GALNT13: variants seen among roughly 807,000 people sequenced by gnomAD.
The protein encoded by GALNT13 is UDP-GalNAc:polypeptide N-acetylgalactosaminyltransferase 13.
In GALNT13, 28 loss-of-function variants were observed where a neutral mutation model predicts 64.2. The ratio of observed to expected loss-of-function variants is 0.44; its 90% CI spans 0.32 to 0.60. GALNT13 has a LOEUF of 0.60. GALNT13 is among the 20% of genes least tolerant of loss of function. The pLI, the probability that GALNT13 is intolerant of heterozygous loss-of-function variation, is 0.05. For missense variants in GALNT13, 577 were observed against 669.8 expected, an observed-to-expected ratio of 0.86 and a Z score of 1.53; for synonymous variants, 214 against 224.6, an observed-to-expected ratio of 0.95 and a Z score of 0.42.
At chr2:154,389,677 G>C (rs1230562815) in intron 9 of GALNT13, among the ~76,000 whole-genome samples, 2 of 152,150 alleles carry the variant, frequency 1.3e-5, no homozygotes, top group Non-Finnish European at 2.9e-5. Context: ...TTGCCTCACA[G>C]AAGTCCAATC....
chr2:154,018,442 G>A (rs1000542360), intron 3 of GALNT13, among the ~76,000 whole-genome samples: 4 of 152,030 alleles, frequency 2.6e-5, no homozygotes, highest in East Asian at 3.9e-4. Flanking sequence ...CAGTCTCTGC[G>A]GTCACTTGAA....
chr2:154,363,104 G>A (rs1697168207), intron 9 of GALNT13, among the ~76,000 whole-genome samples: 1 of 152,004 alleles, frequency 6.6e-6, no homozygotes. Flanking sequence ...TGATCTCTGG[G>A]ATTTGTTATT....
the GALNT13 span, among the ~76,000 whole-genome samples, chr2:153,760,381 G>T: frequency 6.6e-6 from 1 of 151,254 alleles, no homozygotes; most frequent in Non-Finnish European, 1.5e-5. Flanking sequence ...ATTCATTTGA[G>T]ATTTTTAAAT....
the GALNT13 span, among the ~76,000 whole-genome samples, chr2:153,418,845 C>T: frequency 5.9e-5 from 9 of 152,094 alleles, no homozygotes; most frequent in East Asian, 1.7e-3. Context: ...GCGATAGAGC[C>T]AGACCTTGTC....
intron 10 of GALNT13, among the ~76,000 whole-genome samples, chr2:154,404,974 A>G (rs770830963): frequency 2.0e-5 from 3 of 152,060 alleles, no homozygotes; most frequent in Non-Finnish European, 4.4e-5. Flanking sequence ...GGAAGGAAGA[A>G]CAAAAGGAAG....
chr2:153,930,790 G>T (rs2105355469), intron 2 of GALNT13, among the ~76,000 whole-genome samples: 1 of 152,162 alleles, frequency 6.6e-6, no homozygotes, highest in African/African-American at 2.4e-5. Context: ...GCTTAGTATT[G>T]CTTTGGCTAT....
the GALNT13 span, among the ~76,000 whole-genome samples, chr2:153,429,055 A>ATCTCTT: frequency 1.3e-5 from 2 of 152,050 alleles, no homozygotes; most frequent in African/African-American, 4.8e-5. Flanking sequence ...CATATATATT[A>ATCTCTT]TCTCTTTCTC....
the GALNT13 span, among the ~76,000 whole-genome samples, chr2:153,139,662 T>G: frequency 4.1e-3 from 626 of 151,748 alleles, 6 homozygotes; most frequent in African/African-American, 0.014. Context: ...AAAGACAAAG[T>G]AGGAAATGGC....
the GALNT13 span, among the ~76,000 whole-genome samples, chr2:153,441,654 G>C: frequency 2.0e-5 from 3 of 152,136 alleles, no homozygotes; most frequent in African/African-American, 7.2e-5. Context: ...TCCTTGAAGA[G>C]GTCCTTCACA....
At chr2:153,606,210 T>A in the GALNT13 span, among the ~76,000 whole-genome samples, 1 of 152,126 alleles carries the variant, frequency 6.6e-6, no homozygotes, top group East Asian at 1.9e-4. Context: ...TGTATGTATG[T>A]ATATATATTT....
the GALNT13 span, among the ~76,000 whole-genome samples, chr2:153,376,169 C>A: frequency 1.3e-5 from 2 of 152,062 alleles, no homozygotes; most frequent in Non-Finnish European, 2.9e-5. Flanking sequence ...AATATTCAAA[C>A]TATAACAAAT....
At chr2:154,247,141 A>G (rs1163152426) in intron 7 of GALNT13, among the ~76,000 whole-genome samples, 1 of 152,076 alleles carries the variant, frequency 6.6e-6, no homozygotes, top group Non-Finnish European at 1.5e-5. Context: ...TCTAAAGAAG[A>G]TCTGTTACAT....
the GALNT13 span, among the ~76,000 whole-genome samples, chr2:153,515,831 G>T: frequency 3.3e-5 from 5 of 152,108 alleles, no homozygotes; most frequent in Non-Finnish European, 7.4e-5. Context: ...GAAAAAAAAA[G>T]TATGTGAGGA....
chr2:154,132,111 C>A (rs13411662), intron 3 of GALNT13, among the ~76,000 whole-genome samples: 5 of 152,080 alleles, frequency 3.3e-5, no homozygotes, highest in Non-Finnish European at 7.4e-5. Flanking sequence ...TCCCAGTCCA[C>A]GGATTCAAAG....
chr2:153,156,346 C>G, the GALNT13 span, among the ~76,000 whole-genome samples: 1 of 152,256 alleles, frequency 6.6e-6, no homozygotes, highest in African/African-American at 2.4e-5. Context: ...GACACACTTT[C>G]TATTACAGGT....
the GALNT13 span, among the ~76,000 whole-genome samples, chr2:153,210,235 G>A: frequency 6.6e-6 from 1 of 152,090 alleles, no homozygotes; most frequent in Non-Finnish European, 1.5e-5. Context: ...AGTAAGAGAG[G>A]ACCTTCTTGC....
the GALNT13 span, among the ~76,000 whole-genome samples, chr2:153,842,891 C>A: frequency 6.6e-6 from 1 of 151,706 alleles, no homozygotes; most frequent in African/African-American, 2.4e-5. Context: ...AGAAACTGGC[C>A]CATATAAAAT....
the GALNT13 span, among the ~76,000 whole-genome samples, chr2:153,613,139 G>A: frequency 6.6e-6 from 1 of 152,128 alleles, no homozygotes; most frequent in Non-Finnish European, 1.5e-5. Flanking sequence ...AACTGATACA[G>A]ACAGGGAGAT....
At chr2:153,250,476 T>C in the GALNT13 span, among the ~76,000 whole-genome samples, 1 of 152,230 alleles carries the variant, frequency 6.6e-6, no homozygotes, top group Non-Finnish European at 1.5e-5. Flanking sequence ...AGTATGGTGA[T>C]TCCTCAAGGA....
Sources: gnomAD v4.1 joint callset for allele counts (sites outside exome capture counted in the v4.1 genomes callset) on GRCh38, gnomAD v4.1.1 for gene constraint, MANE v1.5 for transcripts, NCBI Gene and HGNC (gene_info 2026-07-23, HGNC 2026-07-21) for gene names.